Variants in STEAP1B observed in about 807,000 individuals in gnomAD.
The protein encoded by STEAP1B is STEAP family protein MGC87042.
A neutral mutation model predicts 27.9 loss-of-function variants in STEAP1B; 13 were observed. The ratio of observed to expected loss-of-function variants is 0.47; its 90% confidence interval spans 0.30 to 0.74. STEAP1B has a LOEUF of 0.74. Ranked by LOEUF, STEAP1B falls within the 30% of genes least tolerant of loss-of-function variation. The pLI is 0.06. For missense variants in STEAP1B, 250 were observed against 298.7 expected, an observed-to-expected ratio of 0.84 and a Z score of 1.20; for synonymous variants, 86 against 107.1, an observed-to-expected ratio of 0.80 and a Z score of 1.22.
In STEAP1B at chr7:22,419,630, G is replaced by A. The variant is rs771604191; in HGVS notation, c.*174C>T. The A allele has an allele frequency of 3.5e-5, 20 of 570,774 alleles. No individual in the cohort carries two copies. The South Asian group carries it at 3.6e-4, about 10-fold the overall frequency. The allele number at this position is 570,774 out of a possible 1,614,324, so 35.4% of individuals were successfully genotyped here. ...TGTTTGCTCTCTCATGAGTCCGCTG[G>A]GGGATCCACTCATCTGCCCTGCCGG... On this transcript the variant is annotated 3_prime_UTR_variant, in exon 5 of 5. Transcript: ENST00000678116.
chr7:22,495,769 G>A (rs1479084028), intron 1 of STEAP1B, among the ~76,000 whole-genome samples: 1 of 151,992 alleles, frequency 6.6e-6, no homozygotes, highest in Non-Finnish European at 1.5e-5. Context: ...TACTTTTTTA[G>A]GTGGAAAGCT....
At chr7:22,477,944 CAT>C (rs1786000581) in intron 4 of STEAP1B, among the ~76,000 whole-genome samples, 1 of 152,136 alleles carries the variant, frequency 6.6e-6, no homozygotes, top group Non-Finnish European at 1.5e-5. Flanking sequence ...ACTCAAAAAA[CAT>C]AGGGAAAAAC....
intron 4 of STEAP1B, among the ~76,000 whole-genome samples, chr7:22,485,659 C>A (rs567984004): frequency 6.6e-6 from 1 of 152,256 alleles, no homozygotes; most frequent in East Asian, 1.9e-4. Context: ...ACAAAAAAAT[C>A]ATGCAACTCA....
intron 4 of STEAP1B, among the ~76,000 whole-genome samples, chr7:22,441,718 T>C (rs1785336257): frequency 6.6e-6 from 1 of 152,178 alleles, no homozygotes; most frequent in Admixed American, 6.5e-5. Flanking sequence ...TCTGATGGGG[T>C]TAGTGGTTAT....
chr7:22,487,572 G>C (rs1009451755), intron 4 of STEAP1B, among the ~76,000 whole-genome samples: 4 of 58,026 alleles, frequency 6.9e-5, no homozygotes, highest in African/African-American at 1.3e-4. Flanking sequence ...TGGCGGGGGC[G>C]GGGGGGTGCA....
At chr7:22,469,972 G>C (rs1180404601) in intron 4 of STEAP1B, among the ~76,000 whole-genome samples, 1 of 152,180 alleles carries the variant, frequency 6.6e-6, no homozygotes, top group African/African-American at 2.4e-5. Flanking sequence ...CTCACATTCA[G>C]ATAAATACAG....
chr7:22,443,183 C>T (rs752181524), intron 4 of STEAP1B, among the ~76,000 whole-genome samples: 20 of 152,176 alleles, frequency 1.3e-4, no homozygotes, highest in Non-Finnish European at 2.4e-4. Flanking sequence ...TCTGTTCTAC[C>T]ATCTGCTTCT....
intron 4 of STEAP1B, among the ~76,000 whole-genome samples, chr7:22,435,094 A>C (rs1292948409): frequency 6.6e-6 from 1 of 152,164 alleles, no homozygotes; most frequent in African/African-American, 2.4e-5. Flanking sequence ...ATAGTTCCAG[A>C]GTTCTAGTCC....
intron 4 of STEAP1B, among the ~76,000 whole-genome samples, chr7:22,437,594 A>AT (rs751762043): frequency 3.3e-5 from 5 of 152,204 alleles, no homozygotes; most frequent in Non-Finnish European, 7.3e-5. Flanking sequence ...GGACATACTG[A>AT]TTTCATTTCC....
intron 4 of STEAP1B, among the ~76,000 whole-genome samples, chr7:22,453,753 C>G (rs888052668): frequency 6.6e-6 from 1 of 152,246 alleles, no homozygotes; most frequent in Non-Finnish European, 1.5e-5. Flanking sequence ...CGTCCATTGA[C>G]ATAGAGTTGT....
At position 22,433,827 on chromosome 7, in the gene STEAP1B, C is replaced by G. The variant is rs192219900; in HGVS notation, c.763-13991G>C. ...TGAATTAAAGAACAAAACTGCTGGG[C>G]TTTGTCATGATGAACATGTGTGTAT... On this transcript the variant is annotated intron_variant, in intron 4 of 4. Coordinates refer to ENST00000678116, the MANE Select transcript of STEAP1B (RefSeq NM_001382447.1). Among the ~76,000 whole-genome samples, 10 of 152,308 alleles carry G rather than the reference C, an allele frequency of 6.6e-5. No homozygotes were observed. In the East Asian group the frequency reaches 1.9e-3, roughly 29 times the overall value.
intron 4 of STEAP1B, among the ~76,000 whole-genome samples, chr7:22,454,169 A>T (rs949345725): frequency 2.6e-5 from 4 of 152,242 alleles, no homozygotes; most frequent in African/African-American, 9.6e-5. Flanking sequence ...AAAGCTAAAG[A>T]ATGCAGGAAG....
At chr7:22,432,474 G>A (rs1432679832) in intron 4 of STEAP1B, among the ~76,000 whole-genome samples, 3 of 152,166 alleles carry the variant, frequency 2.0e-5, no homozygotes, top group Admixed American at 1.3e-4. Context: ...TACTTGGGAG[G>A]CTAAGGTGGG....
intron 1 of STEAP1B, among the ~76,000 whole-genome samples, chr7:22,497,311 A>G (rs1786458991): frequency 6.6e-6 from 1 of 152,218 alleles, no homozygotes; most frequent in Non-Finnish European, 1.5e-5. Flanking sequence ...TCCATGCTCT[A>G]AGAAGGAAGA....
intron 4 of STEAP1B, among the ~76,000 whole-genome samples, chr7:22,469,999 C>A (rs575400602): frequency 6.6e-6 from 1 of 152,168 alleles, no homozygotes; most frequent in East Asian, 1.9e-4. Context: ...AAGAGGTGTG[C>A]ATAGACATAA....
At chr7:22,447,609 G>T (rs775207538) in intron 4 of STEAP1B, among the ~76,000 whole-genome samples, 2 of 152,162 alleles carry the variant, frequency 1.3e-5, no homozygotes, top group Admixed American at 6.5e-5. Flanking sequence ...GAGTAAAGTG[G>T]GAACTCATCC....
chr7:22,490,565 T>G (rs562191560), intron 4 of STEAP1B, among the ~76,000 whole-genome samples: 2 of 152,342 alleles, frequency 1.3e-5, no homozygotes, highest in East Asian at 3.9e-4. Flanking sequence ...CATACTATTT[T>G]GTATTACCGT....
At chr7:22,479,834 AC>A (rs202119082) in intron 4 of STEAP1B, among the ~76,000 whole-genome samples, 2 of 124,348 alleles carry the variant, frequency 1.6e-5, no homozygotes, top group Non-Finnish European at 3.5e-5. Context: ...ACAGGCACAC[AC>A]CGGCGACGCC....
intron 4 of STEAP1B, among the ~76,000 whole-genome samples, chr7:22,422,182 G>C (rs1013881326): frequency 6.6e-6 from 1 of 152,222 alleles, no homozygotes; most frequent in Non-Finnish European, 1.5e-5. Flanking sequence ...AACCTAGTGT[G>C]TGTGCATGTG....
Sources: gnomAD v4.1 joint callset for allele counts (sites outside exome capture counted in the v4.1 genomes callset) on GRCh38, gnomAD v4.1.1 for gene constraint, MANE v1.5 for transcripts, NCBI Gene and HGNC (gene_info 2026-07-23, HGNC 2026-07-21) for gene names.